The following TXNRD1 variants were observed in gnomAD, a reference collection of about 807,000 sequenced individuals.
TXNRD1 encodes thioredoxin reductase 1.
In TXNRD1, 57 loss-of-function variants were observed where a neutral mutation model predicts 80.3. That is an observed-to-expected ratio of 0.71 (90% CI 0.57 to 0.89). The LOEUF (loss-of-function observed/expected upper bound fraction) is 0.89, where lower values mean the gene tolerates loss of function less well. Among genes scored for constraint, TXNRD1 ranks in the 40% least tolerant of loss-of-function variants. TXNRD1 has a pLI of 0.00. For synonymous variants in TXNRD1, 291 were observed against 285.2 expected, an observed-to-expected ratio of 1.02 and a Z score of -0.20; for missense variants, 730 against 803.0, an observed-to-expected ratio of 0.91 and a Z score of 1.10.
intron 2 of TXNRD1, among the ~76,000 whole-genome samples, chr12:104,254,644 A>AAAAT: frequency 6.4e-5 from 6 of 93,636 alleles, no homozygotes; most frequent in Admixed American, 3.9e-4. Context: ...AAAAAAAAAA[A>AAAAT]ATATATATAT....
At chr12:104,251,436 G>A in intron 1 of TXNRD1, 91 bp from the exon 2 acceptor site, 2 of 1,367,920 alleles carry the variant, frequency 1.5e-6, no homozygotes, top group Non-Finnish European at 2.0e-6. Flanking sequence ...GGACTTAAAT[G>A]GTAATGCTTT....
At chr12:104,288,670 A>G in intron 3 of TXNRD1, 2 of 1,153,678 alleles carry the variant, frequency 1.7e-6, no homozygotes, top group Non-Finnish European at 2.3e-6. Flanking sequence ...TTTAACCCTG[A>G]CTAGAACTCT....
At chr12:104,304,536 T>G in intron 4 of TXNRD1, 1 of 1,614,006 alleles carries the variant, frequency 6.2e-7, no homozygotes, top group Non-Finnish European at 8.5e-7. Flanking sequence ...AATGGCAACA[T>G]GCCTACAAAG....
chr12:104,252,924 G>A (rs374093339), intron 2 of TXNRD1, among the ~76,000 whole-genome samples: 1 of 151,126 alleles, frequency 6.6e-6, no homozygotes, highest in Non-Finnish European at 1.5e-5. Context: ...AGATGGCCTC[G>A]ATCTCCTGAC....
At chr12:104,264,567 C>CA (rs756913021) in intron 3 of TXNRD1, among the ~76,000 whole-genome samples, 55 of 152,298 alleles carry the variant, frequency 3.6e-4, no homozygotes, top group Admixed American at 1.2e-3. Flanking sequence ...CAAAAAATCA[C>CA]ATATAATTGC....
At chr12:104,218,783 C>T (rs1482878960) in intron 1 of TXNRD1, among the ~76,000 whole-genome samples, 1 of 151,630 alleles carries the variant, frequency 6.6e-6, no homozygotes, top group African/African-American at 2.4e-5. Flanking sequence ...AATTTTTTTA[C>T]ATTTTGTAGA....
chr12:104,305,011 C>A (rs1237397834), intron 4 of TXNRD1: 2 of 1,387,716 alleles, frequency 1.4e-6, no homozygotes, highest in South Asian at 1.5e-5. Flanking sequence ...AACTGAAGCA[C>A]ATATTGTATC....
At chr12:104,326,460 AT>A (rs371884469) in intron 12 of TXNRD1, 37 bp downstream of exon 12, 52,718 of 533,144 alleles carry the variant, frequency 0.099, no homozygotes, top group South Asian at 0.12. Context: ...TATTTGTGGG[AT>A]TTTTTTTTTT....
chr12:104,243,737 G>C (rs2032924922), intron 1 of TXNRD1, among the ~76,000 whole-genome samples: 3 of 152,222 alleles, frequency 2.0e-5, no homozygotes. Flanking sequence ...ACAGCAGGCA[G>C]AGTGGCGTGC....
intron 4 of TXNRD1, among the ~76,000 whole-genome samples, chr12:104,295,070 G>A (rs112811273): frequency 4.6e-5 from 7 of 152,150 alleles, no homozygotes; most frequent in Non-Finnish European, 7.3e-5. Flanking sequence ...ATTCTCTGGC[G>A]TACATTAAAA....
intron 16 of TXNRD1, among the ~76,000 whole-genome samples, chr12:104,344,647 G>C (rs931758614): frequency 6.6e-6 from 1 of 152,090 alleles, no homozygotes; most frequent in Non-Finnish European, 1.5e-5. Flanking sequence ...TTTAACTGTA[G>C]TTATCCTAAG....
intron 7 of TXNRD1, among the ~76,000 whole-genome samples, chr12:104,317,869 A>G (rs984809520): frequency 4.6e-5 from 7 of 152,120 alleles, no homozygotes; most frequent in Admixed American, 6.5e-5. Context: ...GCTGGGTGCA[A>G]TGACTCATGC....
At chr12:104,327,028 T>C (rs1028407599) in intron 12 of TXNRD1, among the ~76,000 whole-genome samples, 9 of 149,354 alleles carry the variant, frequency 6.0e-5, no homozygotes, top group Non-Finnish European at 8.9e-5. Context: ...TCTCCATCTT[T>C]TGGCCTCTAG....
intron 4 of TXNRD1, among the ~76,000 whole-genome samples, chr12:104,300,660 G>T (rs2034591317): frequency 6.6e-6 from 1 of 152,128 alleles, no homozygotes; most frequent in African/African-American, 2.4e-5. Flanking sequence ...ATGTCTAAAG[G>T]CAGATTTGTT....
intron 3 of TXNRD1, chr12:104,265,777 C>T (rs368647662): frequency 9.5e-6 from 15 of 1,577,936 alleles, no homozygotes; most frequent in Middle Eastern, 2.3e-4. Flanking sequence ...GCTGCCCCAC[C>T]GGGTCCTGCG....
intron 1 of TXNRD1, among the ~76,000 whole-genome samples, chr12:104,231,780 C>T (rs184105591): frequency 3.2e-3 from 489 of 152,350 alleles, no homozygotes; most frequent in Non-Finnish European, 4.9e-3. Context: ...AGGATAATTG[C>T]TCAGAACTAC....
At chr12:104,285,302 G>A (rs1019697633) in intron 3 of TXNRD1, among the ~76,000 whole-genome samples, 11 of 152,262 alleles carry the variant, frequency 7.2e-5, no homozygotes, top group African/African-American at 2.6e-4. Flanking sequence ...TAGAATTCAC[G>A]ACAAGGGTAA....
intron 14 of TXNRD1, 106 bp downstream of exon 14, chr12:104,331,747 C>A: frequency 1.4e-6 from 1 of 696,346 alleles, no homozygotes; most frequent in Non-Finnish European, 2.4e-6. Flanking sequence ...TTTTCATATA[C>A]CCGTTATCCA....
intron 12 of TXNRD1, among the ~76,000 whole-genome samples, chr12:104,327,306 ATTTC>A (rs1456164572): frequency 6.6e-6 from 1 of 151,916 alleles, no homozygotes; most frequent in African/African-American, 2.4e-5. Context: ...GAGTTTTCTT[ATTTC>A]TTTGATTTTC....
Sources: allele counts gnomAD v4.1 joint callset (sites outside exome capture counted in the v4.1 genomes callset), GRCh38; gene constraint gnomAD v4.1.1; transcripts MANE v1.5; gene names NCBI Gene and HGNC (gene_info 2026-07-23, HGNC 2026-07-21).